AGXT2: variants seen among roughly 807,000 people sequenced by gnomAD.
The protein encoded by AGXT2 is alanine--glyoxylate aminotransferase 2.
A neutral mutation model predicts 62.5 loss-of-function variants in AGXT2; 61 were observed. The observed-to-expected ratio is 0.98, with a 90% confidence interval of 0.79 to 1.21. The LOEUF (loss-of-function observed/expected upper bound fraction) is 1.21, where lower values mean the gene tolerates loss of function less well. Among genes scored for constraint, AGXT2 ranks in the 50% most tolerant of loss-of-function variants. The pLI, the probability that AGXT2 is intolerant of heterozygous loss-of-function variation, is 0.00. For synonymous variants in AGXT2, 243 were observed against 218.7 expected, an observed-to-expected ratio of 1.11 and a Z score of -0.98; for missense variants, 666 against 641.5, an observed-to-expected ratio of 1.04 and a Z score of -0.41.
intron 7 of AGXT2, among the ~76,000 whole-genome samples, chr5:35,028,606 AGAGAGAGAGAGAG>A (rs1767453686): frequency 1.2e-5 from 1 of 81,144 alleles, no homozygotes; most frequent in South Asian, 3.8e-4. Flanking sequence ...AGAGAGAGAG[AGAGAGAGAGAGAG>A]AAATTCTTCT....
rs1766533332 is a variant in AGXT2, at chr5:35,009,196, C to A, written c.1338+804G>T. 3.3e-5 allele frequency among the ~76,000 whole-genome samples: 5 copies of A among 151,270 alleles called. No homozygotes were observed. The Admixed American group carries it at 3.3e-4, about 10-fold the overall frequency. On this transcript the variant is annotated intron_variant, in intron 12 of 13. Transcript: ENST00000231420. ...GTTAGAGGTCTCAGTGGGCAACATT[C>A]CTCCCTGGTTACTTGGGAGGTTGAA...
chr5:35,023,509 A>G (rs1767200310), intron 9 of AGXT2, among the ~76,000 whole-genome samples: 1 of 152,226 alleles, frequency 6.6e-6, no homozygotes, highest in Admixed American at 6.5e-5. Flanking sequence ...TTTGAAATTC[A>G]TATTTCCTTT....
At chr5:35,012,846 A>G in intron 11 of AGXT2, 108 bp downstream of exon 11, 1 of 1,019,232 alleles carries the variant, frequency 9.8e-7, no homozygotes, top group South Asian at 1.4e-5. Context: ...ACTATGAATT[A>G]ACTCTCCCCT....
At chr5:35,043,859 GT>G (rs1768085417) in intron 1 of AGXT2, among the ~76,000 whole-genome samples, 2 of 152,096 alleles carry the variant, frequency 1.3e-5, no homozygotes, top group African/African-American at 4.8e-5. Flanking sequence ...CCCGGCTAGT[GT>G]TTTGTATTTT....
chr5:35,011,046 T>G (rs990979722), intron 11 of AGXT2, among the ~76,000 whole-genome samples: 1 of 152,218 alleles, frequency 6.6e-6, no homozygotes, highest in Non-Finnish European at 1.5e-5. Context: ...ACATGAAATA[T>G]ACTATATTTT....
At chr5:35,015,068 C>T (rs1007551881) in intron 9 of AGXT2, among the ~76,000 whole-genome samples, 7 of 152,104 alleles carry the variant, frequency 4.6e-5, no homozygotes, top group Non-Finnish European at 1.0e-4. Flanking sequence ...TCTAGAAGAC[C>T]CTCTTCTTGC....
rs577568489 is a variant in AGXT2 at position 35,022,647 on chromosome 5, G to T, written c.963+3116C>A. ...TAGATGACGAGTTAGTGGGTGCAGC[G>T]CACCAGCATGGCACATGTATACATA... On this transcript the variant is annotated intron_variant, in intron 9 of 13. Transcript: ENST00000231420. Among the ~76,000 whole-genome samples, 6 of 150,532 alleles carry T rather than the reference G, an allele frequency of 4.0e-5. No homozygotes were observed. In the East Asian group the frequency reaches 1.2e-3, roughly 30 times the overall value.
chr5:35,024,298 C>T (rs1767238773), intron 9 of AGXT2, among the ~76,000 whole-genome samples: 1 of 152,170 alleles, frequency 6.6e-6, no homozygotes, highest in Non-Finnish European at 1.5e-5. Context: ...CTTGGCTGGT[C>T]TAACCACCTG....
intron 10 of AGXT2, among the ~76,000 whole-genome samples, 200 bp downstream of exon 10, chr5:35,013,787 A>C (rs866491043): frequency 4.1e-4 from 57 of 139,666 alleles, no homozygotes; most frequent in African/African-American, 1.5e-3. Flanking sequence ...TGTCTCAAAA[A>C]AAAAAAAAAA....
chr5:35,020,342 G>A (rs1412982894), intron 9 of AGXT2, among the ~76,000 whole-genome samples: 14 of 152,106 alleles, frequency 9.2e-5, no homozygotes, highest in South Asian at 4.1e-4. Context: ...CTGGCAAAAC[G>A]AATCCAGCAG....
chr5:34,998,965 C>A, intron 13 of AGXT2, 139 bp from the exon 14 acceptor site: 1 of 715,642 alleles, frequency 1.4e-6, no homozygotes, highest in South Asian at 1.5e-5. Flanking sequence ...CCTCCTCCAT[C>A]CCCAATGCTG....
intron 9 of AGXT2, among the ~76,000 whole-genome samples, chr5:35,020,356 A>T (rs943663172): frequency 2.6e-5 from 4 of 152,244 alleles, no homozygotes; most frequent in East Asian, 1.9e-4. Flanking sequence ...CCAGCAGCAC[A>T]TCAAAAAGCT....
At chr5:35,023,066 T>C (rs538095879) in intron 9 of AGXT2, among the ~76,000 whole-genome samples, 1 of 150,966 alleles carries the variant, frequency 6.6e-6, no homozygotes, top group East Asian at 1.9e-4. Flanking sequence ...AAAGAGTGCC[T>C]TTTATTCCGA....
At chr5:35,001,982 A>AT (rs559686515) in intron 13 of AGXT2, among the ~76,000 whole-genome samples, 24 of 152,214 alleles carry the variant, frequency 1.6e-4, no homozygotes, top group African/African-American at 5.3e-4. Context: ...AGTTTTTGCA[A>AT]TTAAAAAAAA....
intron 4 of AGXT2, among the ~76,000 whole-genome samples, chr5:35,035,547 C>T (rs547767797): frequency 6.6e-6 from 1 of 152,302 alleles, no homozygotes; most frequent in African/African-American, 2.4e-5. Context: ...ATTGTCTCAG[C>T]TGTGCAACAT....
chr5:35,028,215 A>G (rs901320868), intron 7 of AGXT2, among the ~76,000 whole-genome samples: 1 of 152,046 alleles, frequency 6.6e-6, no homozygotes, highest in African/African-American at 2.4e-5. Context: ...TCTTGTATCC[A>G]TGCTTTGAAG....
chr5:35,021,344 A>G (rs1194978147), intron 9 of AGXT2, among the ~76,000 whole-genome samples: 1 of 151,934 alleles, frequency 6.6e-6, no homozygotes, highest in Non-Finnish European at 1.5e-5. Context: ...TACAGTAACC[A>G]AAACAGCATG....
chr5:35,031,636 G>A (rs1302076987), intron 7 of AGXT2, among the ~76,000 whole-genome samples: 1 of 152,160 alleles, frequency 6.6e-6, no homozygotes, highest in Non-Finnish European at 1.5e-5. Context: ...CCTGTTAAGC[G>A]TAGGTAAAGA....
intron 12 of AGXT2, among the ~76,000 whole-genome samples, chr5:35,005,956 T>C (rs1766405412): frequency 6.6e-6 from 1 of 152,186 alleles, no homozygotes; most frequent in African/African-American, 2.4e-5. Flanking sequence ...TAGGGACACC[T>C]TCTATTGACA....
Sources: gnomAD v4.1 joint callset for allele counts (sites outside exome capture counted in the v4.1 genomes callset) on GRCh38, gnomAD v4.1.1 for gene constraint, MANE v1.5 for transcripts, NCBI Gene and HGNC (gene_info 2026-07-23, HGNC 2026-07-21) for gene names.